Variants in PLK4 observed in about 807,000 individuals in gnomAD.
PLK4 encodes the protein serine/threonine-protein kinase PLK4.
Under a neutral mutation model 103.0 loss-of-function variants are expected in PLK4, and 51 were observed. That is an observed-to-expected ratio of 0.50 (90% CI 0.40 to 0.63). The LOEUF is 0.63. PLK4 is among the 20% of genes least tolerant of loss of function. The probability of loss-of-function intolerance (pLI) is 0.00; values close to 1 mark genes in which losing one functional copy is unlikely to be tolerated. For synonymous variants in PLK4, 389 were observed against 376.8 expected, an observed-to-expected ratio of 1.03 and a Z score of -0.38; for missense variants, 1,054 against 1,151.0, an observed-to-expected ratio of 0.92 and a Z score of 1.22.
rs573210717 is a variant in PLK4 at position 127,892,838 on chromosome 4, A to G, written c.2188+324A>G. On this transcript the variant is annotated intron_variant, in intron 10 of 15. Transcript: ENST00000270861. ...CTTATTAGAAACCTTAAATGGACATATACCAAATTATGAGAATTATAAATG... is the reference window on the plus strand; with the variant it reads ...CTTATTAGAAACCTTAAATGGACATGTACCAAATTATGAGAATTATAAATG... The G allele has an allele frequency of 2.9e-4, 61 of 210,758 alleles. No homozygotes were observed. The South Asian group carries it at 6.4e-3, about 22-fold the overall frequency. The allele number at this position is 210,758 out of a possible 1,614,324, so 13.1% of individuals were successfully genotyped here.
At chr4:127,898,358 A>C (rs1354714934) in intron 15 of PLK4, 81 bp from the exon 16 acceptor site, 4 of 696,504 alleles carry the variant, frequency 5.7e-6, no homozygotes, top group Non-Finnish European at 7.7e-6. Context: ...TTACTGAAAA[A>C]TATAATGTGC....
At chr4:127,888,206 A>AAAAAAAAAAC in intron 6 of PLK4, among the ~76,000 whole-genome samples, 1 of 140,910 alleles carries the variant, frequency 7.1e-6, no homozygotes, top group Non-Finnish European at 1.5e-5. Context: ...AAAAAAAAAA[A>AAAAAAAAAAC]AAAAAAGCAT....
rs781160325 is a variant in PLK4, at chr4:127,889,924, C to T, written c.1518C>T (p.Gly506=). ...DSISPNRDFQ[G]HPDLQKDTSK... is the part of the protein sequence containing the mutation. ...TCAGCCCAAACCGGGACTTCCAGGG[C>T]CATCCAGATTTGCAGAAGGACACAT... The change falls in exon 7 of 16, where the codon GGC becomes GGT. Residue 506 remains glycine (G), a synonymous_variant. Coordinates refer to ENST00000270861, the MANE Select transcript of PLK4 (RefSeq NM_014264.5). 5 of 1,613,414 alleles carry T rather than the reference C, an allele frequency of 3.1e-6. No homozygotes were observed. Among genetic ancestry groups the T allele is most frequent in the Non-Finnish European group, 4.2e-6 (5 of 1,179,548 alleles).
chr4:127,887,082 C>T (rs1042867395), intron 5 of PLK4, among the ~76,000 whole-genome samples: 1 of 152,068 alleles, frequency 6.6e-6, no homozygotes, highest in African/African-American at 2.4e-5. Flanking sequence ...ATTCTGACTG[C>T]TTCCAATATG....
At chr4:127,897,442 T>G (rs2148825642) in intron 15 of PLK4, among the ~76,000 whole-genome samples, 1 of 152,334 alleles carries the variant, frequency 6.6e-6, no homozygotes. Flanking sequence ...AGTTATTTGC[T>G]TTCCTCATTT....
At chr4:127,896,148 C>G (rs947511445) in intron 14 of PLK4, among the ~76,000 whole-genome samples, 3 of 152,132 alleles carry the variant, frequency 2.0e-5, no homozygotes, top group Non-Finnish European at 4.4e-5. Context: ...CCAAAATAAC[C>G]TAGTAAAGTT....
At chr4:127,881,756 T>A in intron 1 of PLK4, 75 bp from the exon 2 acceptor site, 1 of 895,850 alleles carries the variant, frequency 1.1e-6, no homozygotes, top group Non-Finnish European at 1.8e-6. Flanking sequence ...CCATTTTATC[T>A]TCTTTTTCCA....
chr4:127,888,207 A>AAAAAAAAAAAAAAAT, intron 6 of PLK4, among the ~76,000 whole-genome samples: 1 of 142,088 alleles, frequency 7.0e-6, no homozygotes, highest in Non-Finnish European at 1.5e-5. Flanking sequence ...AAAAAAAAAA[A>AAAAAAAAAAAAAAAT]AAAAAGCATT....
intron 4 of PLK4, among the ~76,000 whole-genome samples, chr4:127,885,409 G>A (rs1043494411): frequency 2.0e-5 from 3 of 150,706 alleles, no homozygotes; most frequent in Non-Finnish European, 2.9e-5. Context: ...AACCCGGGAG[G>A]CGGAGCTTGC....
At position 127,898,801 on chromosome 4, in the gene PLK4, G is replaced by T; in HGVS notation, c.*260G>T. On this transcript the variant is annotated 3_prime_UTR_variant, in exon 16 of 16. Transcript: ENST00000270861. ...CCGAACTTACTATGTTCATATATTT[G>T]TATTGAACAATCTTTTAAAAGCAAA... 3.7e-6 allele frequency: 1 copy of T among 271,340 alleles called. No homozygotes were observed. The highest frequency in any genetic ancestry group is 1.4e-4 in the South Asian group (1 of 7,310). The allele number at this position is 271,340 out of a possible 1,614,324, so 16.8% of individuals were successfully genotyped here. A position where few individuals can be genotyped will look rare whatever the true frequency, so the allele number is the denominator to read the frequency against.
chr4:127,886,081 G>A lies in PLK4; in HGVS notation c.711G>A (p.Glu237=), dbSNP rs1269005939. Residue 237 remains glutamate (E), a synonymous_variant, in exon 5 of 16, where the codon GAG becomes GAA. Coordinates refer to ENST00000270861, the MANE Select transcript of PLK4 (RefSeq NM_014264.5). ...AAATGCCATCTTTTTTGTCAATAGA[G>A]GCCAAGGACCTTATTCACCAGTTAC... ...DYEMPSFLSI[E]AKDLIHQLLR... is the part of the protein sequence containing the mutation. 18 of 1,614,102 alleles carry A rather than the reference G, an allele frequency of 1.1e-5. No individual in the cohort carries two copies. The highest frequency in any genetic ancestry group is 1.4e-5 in the Non-Finnish European group (17 of 1,179,978).
At position 127,881,025 on chromosome 4, in the gene PLK4, A is replaced by T; in HGVS notation, c.-110A>T. ...GCGTCGTCGCCTGGAGCGGCGGTTT[A>T]GAGAGCCGAGCCTGATGGGCGCCAA... On this transcript the variant is annotated 5_prime_UTR_variant, in exon 1 of 16. The change abolishes the stop of an existing upstream ORF in the 5' untranslated region. Coordinates refer to ENST00000270861, the MANE Select transcript of PLK4 (RefSeq NM_014264.5). The T allele has an allele frequency of 7.8e-7, 1 of 1,276,924 alleles. No homozygotes were observed. The highest frequency in any genetic ancestry group is 1.1e-6 in the Non-Finnish European group (1 of 888,644). The allele number at this position is 1,276,924 out of a possible 1,614,324, so 79.1% of individuals were successfully genotyped here.
At chr4:127,885,478 C>CAAA (rs397878802) in intron 4 of PLK4, among the ~76,000 whole-genome samples, 19 of 49,778 alleles carry the variant, frequency 3.8e-4, no homozygotes, top group East Asian at 1.5e-3. Flanking sequence ...GACTCCGTCT[C>CAAA]AAAAAAAAAA....
In PLK4 at chr4:127,889,884, C is replaced by T. The variant is rs983108613; in HGVS notation, c.1478C>T (p.Thr493Ile). ...LQINAHLRKT[T>I]EYDSISPNRD... ...ATTGTAGCTCATTTAAGAAAAACTA[C>T]TGAATATGACAGCATCAGCCCAAAC... The change falls in exon 7 of 16, where the codon ACT becomes ATT. Residue 493 changes from threonine (T) to isoleucine (I), a missense_variant. This residue lies in a region of PLK4 where 680 missense variants were observed against 660.3 expected (regional missense o/e 1.03). Transcript: ENST00000270861. 1.5e-5 allele frequency: 24 copies of T among 1,592,920 alleles called. No individual in the cohort carries two copies. The highest frequency in any genetic ancestry group is 2.0e-5 in the Non-Finnish European group (23 of 1,172,112).
At chr4:127,883,622 T>TAAAGTA in intron 4 of PLK4, 69 bp downstream of exon 4, 1 of 682,288 alleles carries the variant, frequency 1.5e-6, no homozygotes, top group Non-Finnish European at 2.6e-6. Flanking sequence ...AAGTGTAGTT[T>TAAAGTA]TGAGGAATAT....
chr4:127,881,219 A>T lies in PLK4; in HGVS notation c.30+55A>T, dbSNP rs562303520. On this transcript the variant is annotated intron_variant, in intron 1 of 15. Coordinates refer to ENST00000270861, the MANE Select transcript of PLK4 (RefSeq NM_014264.5). The stretch of plus-strand genomic sequence containing the variant: ...CGGGTGGGAGTAATTGTGGGAGGAC[A>T]CGAGACCGCTGTGGGAAGGGGAGCG... The T allele has an allele frequency of 1.4e-5, 22 of 1,612,274 alleles. No individual in the cohort carries two copies. In the African/African-American group the frequency reaches 2.9e-4, roughly 22 times the overall value.
chr4:127,884,321 C>T (rs766579288), intron 4 of PLK4, among the ~76,000 whole-genome samples: 1 of 152,162 alleles, frequency 6.6e-6, no homozygotes, highest in Non-Finnish European at 1.5e-5. Flanking sequence ...GCTTCTTGTA[C>T]ATCTGAATCT....
At chr4:127,892,917 T>C (rs1168733260) in intron 10 of PLK4, among the ~76,000 whole-genome samples, 1 of 152,114 alleles carries the variant, frequency 6.6e-6, no homozygotes, top group Non-Finnish European at 1.5e-5. Flanking sequence ...TGAATGTTCT[T>C]ATTTTCTAAA....
At chr4:127,881,320 G>C (rs1734910415) in intron 1 of PLK4, 156 bp downstream of exon 1, 1 of 1,485,040 alleles carries the variant, frequency 6.7e-7, no homozygotes, top group African/African-American at 1.4e-5. Flanking sequence ...CTGCTGTTTA[G>C]GGGCGGAGCG....
Sources: allele counts gnomAD v4.1 joint callset (sites outside exome capture counted in the v4.1 genomes callset), GRCh38; gene constraint gnomAD v4.1.1; regional missense constraint gnomAD v4.1.1; transcripts MANE v1.5; gene names NCBI Gene and HGNC (gene_info 2026-07-23, HGNC 2026-07-21).